Variants in DPP10 observed in about 807,000 individuals in gnomAD.
The protein encoded by DPP10 is inactive dipeptidyl peptidase 10.
A neutral mutation model predicts 120.9 loss-of-function variants in DPP10; 33 were observed. The ratio of observed to expected loss-of-function variants is 0.27; its 90% CI spans 0.21 to 0.37. The LOEUF is 0.37. Ranked by LOEUF, DPP10 falls within the 10% of genes least tolerant of loss-of-function variation. DPP10 has a pLI of 1.00. For synonymous variants in DPP10, 337 were observed against 326.1 expected (o/e 1.03, Z -0.36); for missense variants, 816 against 942.8 (o/e 0.87, Z 1.76).
chr2:115,603,966 A>G lies in DPP10; in HGVS notation c.441+77994A>G, dbSNP rs537310920. On this transcript the variant is annotated intron_variant, in intron 5 of 25. Transcript: ENST00000410059. ...GAAAGACATACATTTCAACCAACAG[A>G]ACATGTGTTATAGAGTTGTGTTTTA... 3.8e-4 allele frequency among the ~76,000 whole-genome samples: 58 copies of G among 152,294 alleles called. 1 individual carries two copies. The highest frequency in any genetic ancestry group is 1.2e-3 in the African/African-American group (50 of 41,574).
chr2:114,517,642 T>C lies in DPP10; in HGVS notation c.60+74804T>C, dbSNP rs192759712. Reference sequence around the variant, plus strand: ...TACATTATGGTTTCTAAGGCCATTATGTGAATCCAAATACCATCTTGAAAT... The same window carrying C: ...TACATTATGGTTTCTAAGGCCATTACGTGAATCCAAATACCATCTTGAAAT... On this transcript the variant is annotated intron_variant, in intron 1 of 25. Coordinates refer to ENST00000410059, the MANE Select transcript of DPP10 (RefSeq NM_020868.6). Among the ~76,000 whole-genome samples, 420 of 152,374 alleles carry C rather than the reference T, an allele frequency of 2.8e-3. 2 individuals are homozygous for C. Among genetic ancestry groups the C allele is most frequent in the Middle Eastern group, 0.01 (3 of 294 alleles).
At chr2:115,336,127 G>A (rs1280441827) in intron 2 of DPP10, among the ~76,000 whole-genome samples, 2 of 151,946 alleles carry the variant, frequency 1.3e-5, no homozygotes, top group Admixed American at 6.6e-5. Flanking sequence ...CTTTTCTTCA[G>A]TTGAATGCTG....
At chr2:115,260,370 C>CT (rs1378009451) in intron 1 of DPP10, among the ~76,000 whole-genome samples, 1 of 151,998 alleles carries the variant, frequency 6.6e-6, no homozygotes, top group African/African-American at 2.4e-5. Flanking sequence ...TTGTGTGCTA[C>CT]TTTTTACTAT....
chr2:114,831,210 T>G (rs1687089483), intron 1 of DPP10, among the ~76,000 whole-genome samples: 1 of 152,130 alleles, frequency 6.6e-6, no homozygotes, highest in African/African-American at 2.4e-5. Context: ...TTCTCAAGTT[T>G]TTATACTAAA....
intron 1 of DPP10, among the ~76,000 whole-genome samples, chr2:114,568,588 T>G (rs910419593): frequency 6.6e-6 from 1 of 152,162 alleles, no homozygotes; most frequent in African/African-American, 2.4e-5. Context: ...GCCTCTGTCC[T>G]CGGATCTGAC....
chr2:115,117,998 C>T (rs972089730), intron 1 of DPP10, among the ~76,000 whole-genome samples: 7 of 152,152 alleles, frequency 4.6e-5, no homozygotes, highest in African/African-American at 1.2e-4. Context: ...TGTAGCTTTT[C>T]GGGGATGATA....
intron 1 of DPP10, among the ~76,000 whole-genome samples, chr2:114,519,691 A>G (rs550668843): frequency 6.6e-6 from 1 of 152,308 alleles, no homozygotes; most frequent in South Asian, 2.1e-4. Context: ...TCCTCAAACA[A>G]CAGCAAATGT....
chr2:114,888,765 T>C (rs559031284), intron 1 of DPP10, among the ~76,000 whole-genome samples: 2 of 152,314 alleles, frequency 1.3e-5, no homozygotes, highest in South Asian at 4.1e-4. Flanking sequence ...AGGATCCCCA[T>C]GTTTCTCTTT....
intron 1 of DPP10, among the ~76,000 whole-genome samples, chr2:115,107,872 T>A (rs533756909): frequency 6.6e-6 from 1 of 152,288 alleles, no homozygotes; most frequent in Non-Finnish European, 1.5e-5. Context: ...TATAAAAGAA[T>A]ATATTAATAT....
chr2:115,346,564 C>T (rs1363399329), intron 3 of DPP10, among the ~76,000 whole-genome samples: 1 of 152,122 alleles, frequency 6.6e-6, no homozygotes, highest in Non-Finnish European at 1.5e-5. Context: ...AACGGCCTTA[C>T]CCCAAGTCTG....
intron 1 of DPP10, among the ~76,000 whole-genome samples, chr2:114,781,648 C>T (rs1682336537): frequency 6.6e-6 from 1 of 152,028 alleles, no homozygotes; most frequent in South Asian, 2.1e-4. Context: ...CCCTAACAGC[C>T]TACATATGTG....
At chr2:114,986,926 C>T (rs1421287627) in intron 1 of DPP10, among the ~76,000 whole-genome samples, 1 of 152,026 alleles carries the variant, frequency 6.6e-6, no homozygotes, top group South Asian at 2.1e-4. Context: ...CACACACCAC[C>T]ATGACTGGCT....
chr2:115,329,638 C>T (rs1287003258), intron 2 of DPP10, among the ~76,000 whole-genome samples: 1 of 152,038 alleles, frequency 6.6e-6, no homozygotes, highest in East Asian at 1.9e-4. Context: ...TTCCTGTGTC[C>T]AAGCGTTTTC....
At chr2:114,866,080 C>G (rs775769580) in intron 1 of DPP10, among the ~76,000 whole-genome samples, 2 of 151,310 alleles carry the variant, frequency 1.3e-5, no homozygotes, top group African/African-American at 2.4e-5. Context: ...CCACTGCACT[C>G]CAGCCCAGTA....
chr2:115,016,069 T>A (rs534329112), intron 1 of DPP10, among the ~76,000 whole-genome samples: 1 of 152,332 alleles, frequency 6.6e-6, no homozygotes, highest in East Asian at 1.9e-4. Context: ...AGAACAAGGC[T>A]GGAAGCATCA....
chr2:115,725,715 A>G (rs2092751156), intron 7 of DPP10, among the ~76,000 whole-genome samples: 1 of 152,194 alleles, frequency 6.6e-6, no homozygotes, highest in Admixed American at 6.5e-5. Context: ...AATAAGAGCA[A>G]TATGTGCTGA....
chr2:114,840,593 C>T (rs943145812), intron 1 of DPP10, among the ~76,000 whole-genome samples: 11 of 152,120 alleles, frequency 7.2e-5, no homozygotes, highest in African/African-American at 2.7e-4. Flanking sequence ...GAAAGCCTCC[C>T]TTAAAATCTG....
At chr2:115,536,854 A>G (rs558779863) in intron 5 of DPP10, among the ~76,000 whole-genome samples, 112 of 152,176 alleles carry the variant, frequency 7.4e-4, no homozygotes, top group Admixed American at 2.9e-3. Flanking sequence ...TTTAAAAAAA[A>G]TAAACACCTT....
At chr2:115,537,969 C>T (rs1046525470) in intron 5 of DPP10, among the ~76,000 whole-genome samples, 2 of 151,932 alleles carry the variant, frequency 1.3e-5, no homozygotes, top group African/African-American at 2.4e-5. Context: ...ACTTCCATGT[C>T]GTCATGAGAG....
Sources: gnomAD v4.1 joint callset for allele counts (sites outside exome capture counted in the v4.1 genomes callset) on GRCh38, gnomAD v4.1.1 for gene constraint, MANE v1.5 for transcripts, NCBI Gene and HGNC (gene_info 2026-07-23, HGNC 2026-07-21) for gene names.